PTPRT: variants seen among roughly 807,000 people sequenced by gnomAD.
PTPRT encodes the protein receptor-type tyrosine-protein phosphatase T.
Under a neutral mutation model 176.8 loss-of-function variants are expected in PTPRT, and 56 were observed. That is an observed-to-expected ratio of 0.32 (90% CI 0.26 to 0.40). The LOEUF (loss-of-function observed/expected upper bound fraction) is 0.40, where lower values mean the gene tolerates loss of function less well. PTPRT is among the 10% of genes least tolerant of loss of function. The probability of loss-of-function intolerance (pLI) is 1.00; values close to 1 mark genes in which losing one functional copy is unlikely to be tolerated. For synonymous variants in PTPRT, 783 were observed against 739.0 expected, an observed-to-expected ratio of 1.06 and a Z score of -0.96; for missense variants, 1,540 against 1,908.2, an observed-to-expected ratio of 0.81 and a Z score of 3.60.
At chr20:42,219,524 T>C (rs2055837649) in intron 15 of PTPRT, among the ~76,000 whole-genome samples, 1 of 152,208 alleles carries the variant, frequency 6.6e-6, no homozygotes, top group Non-Finnish European at 1.5e-5. Context: ...ATAAGCATTG[T>C]TAGAGAGTTC....
At chr20:42,521,430 C>T (rs1022404874) in intron 7 of PTPRT, among the ~76,000 whole-genome samples, 5 of 152,168 alleles carry the variant, frequency 3.3e-5, no homozygotes, top group African/African-American at 1.2e-4. Flanking sequence ...AATTTCAATA[C>T]TACGTCCATT....
Position 42,211,740 on chromosome 20 carries a change from G to A in PTPRT, c.2343-12352C>T, listed in dbSNP as rs1221078004. 1.2e-3 allele frequency among the ~76,000 whole-genome samples: 169 copies of A among 145,964 alleles called. 1 individual carries two copies. The highest frequency in any genetic ancestry group is 2.0e-3 in the Non-Finnish European group (129 of 66,070). ...CAACCATTGTGGAAGTCAGTGTGGC[G>A]ATTCCTCAGGGATCTAGAACTGGAA... On this transcript the variant is annotated intron_variant, in intron 15 of 30. Coordinates refer to ENST00000373187, the MANE Select transcript of PTPRT (RefSeq NM_007050.6).
chr20:42,098,300 G>C (rs1461546337), intron 27 of PTPRT, 121 bp downstream of exon 27: 15 of 1,382,748 alleles, frequency 1.1e-5, no homozygotes, highest in Non-Finnish European at 1.4e-5. Context: ...GCCAGACACT[G>C]CTTATTACAA....
intron 24 of PTPRT, among the ~76,000 whole-genome samples, chr20:42,106,572 C>T (rs1272050732): frequency 1.3e-5 from 2 of 152,204 alleles, no homozygotes; most frequent in African/African-American, 4.8e-5. Context: ...ATTGGTGGAA[C>T]TGCCTGCACT....
chr20:42,286,413 C>T (rs752631862), intron 12 of PTPRT, among the ~76,000 whole-genome samples: 1 of 151,556 alleles, frequency 6.6e-6, no homozygotes, highest in Non-Finnish European at 1.5e-5. Context: ...TTTTTAAAAA[C>T]GCCAAAATTA....
At chr20:42,420,969 T>C (rs1162273269) in intron 9 of PTPRT, among the ~76,000 whole-genome samples, 1 of 152,180 alleles carries the variant, frequency 6.6e-6, no homozygotes, top group African/African-American at 2.4e-5. Context: ...ATTTCACCAC[T>C]GCCTCTTTTG....
intron 9 of PTPRT, among the ~76,000 whole-genome samples, chr20:42,443,865 AATAGTTC>A (rs1174854152): frequency 2.0e-5 from 3 of 152,186 alleles, no homozygotes; most frequent in African/African-American, 7.2e-5. Context: ...TCTTTTAATA[AATAGTTC>A]ATCTTAATAT....
At chr20:42,904,421 T>G (rs2079447637) in intron 1 of PTPRT, among the ~76,000 whole-genome samples, 1 of 152,164 alleles carries the variant, frequency 6.6e-6, no homozygotes, top group African/African-American at 2.4e-5. Flanking sequence ...TGGCTCTTCC[T>G]CCAGCTGGTT....
At chr20:42,592,829 G>T (rs1161007829) in intron 7 of PTPRT, among the ~76,000 whole-genome samples, 2 of 152,150 alleles carry the variant, frequency 1.3e-5, no homozygotes, top group African/African-American at 4.8e-5. Context: ...TTAAATCAAG[G>T]ATCTGAAAGG....
At chr20:43,106,813 G>A (rs1265947433) in intron 1 of PTPRT, among the ~76,000 whole-genome samples, 10 of 150,940 alleles carry the variant, frequency 6.6e-5, no homozygotes, top group South Asian at 2.1e-4. Context: ...TTTTTGAAAC[G>A]GAGTTTCGCT....
chr20:43,162,535 G>A (rs1029651204), intron 1 of PTPRT, among the ~76,000 whole-genome samples: 2 of 152,140 alleles, frequency 1.3e-5, no homozygotes, highest in South Asian at 2.1e-4. Context: ...TACTCCGTGC[G>A]GTCCCATCCT....
intron 7 of PTPRT, among the ~76,000 whole-genome samples, chr20:42,659,597 C>A (rs540599119): frequency 2.0e-4 from 30 of 152,280 alleles, no homozygotes; most frequent in African/African-American, 6.7e-4. Context: ...GTCTAAGCTG[C>A]CATGGCTTTG....
chr20:42,033,051 G>T, the PTPRT span, among the ~76,000 whole-genome samples: 5 of 152,170 alleles, frequency 3.3e-5, no homozygotes, highest in Admixed American at 3.3e-4. Flanking sequence ...TGACCCACTA[G>T]ACTAGAACAT....
chr20:42,184,518 C>CTTCTT (rs1555797923), intron 16 of PTPRT, among the ~76,000 whole-genome samples: 108 of 54,476 alleles, frequency 2.0e-3, no homozygotes, highest in South Asian at 6.5e-3. Flanking sequence ...TCCTCCTCCT[C>CTTCTT]CTTCTTCTTC....
At chr20:42,700,296 C>T (rs972509228) in intron 6 of PTPRT, among the ~76,000 whole-genome samples, 9 of 152,156 alleles carry the variant, frequency 5.9e-5, no homozygotes, top group Non-Finnish European at 1.2e-4. Flanking sequence ...CTCTCCACAG[C>T]AGGCAGTCCT....
At chr20:42,151,994 A>G (rs1423326637) in intron 17 of PTPRT, among the ~76,000 whole-genome samples, 1 of 152,236 alleles carries the variant, frequency 6.6e-6, no homozygotes, top group Admixed American at 6.5e-5. Context: ...GGTTCAGTTA[A>G]CACATTTACT....
intron 27 of PTPRT, among the ~76,000 whole-genome samples, chr20:42,092,969 T>C (rs1221098377): frequency 1.3e-5 from 2 of 152,214 alleles, no homozygotes; most frequent in Admixed American, 6.5e-5. Flanking sequence ...ATGTAAGTTG[T>C]GGACTCTTAT....
intron 16 of PTPRT, among the ~76,000 whole-genome samples, chr20:42,188,587 G>A (rs1037102881): frequency 6.6e-6 from 1 of 152,104 alleles, no homozygotes; most frequent in Non-Finnish European, 1.5e-5. Context: ...TATTATCTAT[G>A]TTTTCAACTC....
At chr20:42,109,133 GC>G (rs1173953473) in intron 23 of PTPRT, among the ~76,000 whole-genome samples, 1 of 151,280 alleles carries the variant, frequency 6.6e-6, no homozygotes, top group Non-Finnish European at 1.5e-5. Flanking sequence ...GGGTTGTGTA[GC>G]TACTATTGCT....
Sources: allele counts gnomAD v4.1 joint callset (sites outside exome capture counted in the v4.1 genomes callset), GRCh38; gene constraint gnomAD v4.1.1; transcripts MANE v1.5; gene names NCBI Gene and HGNC (gene_info 2026-07-23, HGNC 2026-07-21).